SGCG: variants seen among roughly 807,000 people sequenced by gnomAD.
SGCG encodes the protein sarcoglycan gamma.
SGCG carries 26 observed loss-of-function variants against 29.3 expected under a neutral mutation model. The observed-to-expected ratio is 0.89, with a 90% CI of 0.65 to 1.23. SGCG has a LOEUF of 1.23. SGCG is among the 50% of genes most tolerant of loss of function. The pLI is 0.00. For synonymous variants in SGCG, 145 were observed against 129.7 expected (o/e 1.12, Z -0.80); for missense variants, 353 against 356.0 (o/e 0.99, Z 0.07).
At chr13:23,256,858 T>C (rs148488435) in intron 4 of SGCG, among the ~76,000 whole-genome samples, 1,999 of 152,324 alleles carry the variant, frequency 0.013, 47 homozygotes, top group African/African-American at 0.046. Flanking sequence ...TGTGTCTTTG[T>C]AGTAGCATGA....
At chr13:23,271,207 G>C (rs530784990) in intron 4 of SGCG, among the ~76,000 whole-genome samples, 48 of 152,088 alleles carry the variant, frequency 3.2e-4, no homozygotes, top group Admixed American at 7.9e-4. Flanking sequence ...GTGAGACTCT[G>C]TCTCCAAAAA....
At chr13:23,205,284 A>G (rs1270918506) in intron 2 of SGCG, among the ~76,000 whole-genome samples, 2 of 152,210 alleles carry the variant, frequency 1.3e-5, no homozygotes, top group Non-Finnish European at 2.9e-5. Flanking sequence ...TTTAGTATCT[A>G]AATGTAAAAT....
intron 4 of SGCG, among the ~76,000 whole-genome samples, chr13:23,254,520 A>G (rs141084245): frequency 6.6e-6 from 1 of 152,314 alleles, no homozygotes; most frequent in African/African-American, 2.4e-5. Flanking sequence ...AAACTTTAAA[A>G]TTTGAATTTA....
At chr13:23,278,349 AG>A (rs1881167986) in intron 4 of SGCG, among the ~76,000 whole-genome samples, 1 of 151,718 alleles carries the variant, frequency 6.6e-6, no homozygotes, top group Admixed American at 6.6e-5. Context: ...AGGCTGAGGC[AG>A]GGGAATCACT....
In SGCG at chr13:23,186,366, C is replaced by T. The variant is rs1296566276; in HGVS notation, c.-1+5291C>T. 2.6e-5 allele frequency among the ~76,000 whole-genome samples: 4 copies of T among 152,322 alleles called. No homozygotes were observed. In the East Asian group the frequency reaches 7.7e-4, roughly 29 times the overall value. On this transcript the variant is annotated intron_variant, in intron 1 of 7. Transcript: ENST00000218867. ...TTGTCAGAATGGTGCATCGTGTCCT[C>T]ACCAGTGGTATCCAGCCTGAGGAGG...
At chr13:23,246,028 T>C in intron 3 of SGCG, 1 of 153,908 alleles carries the variant, frequency 6.5e-6, no homozygotes, top group Non-Finnish European at 1.4e-5. Flanking sequence ...GTCTTCTTGG[T>C]ATCCCTCCTT....
chr13:23,209,697 T>A (rs905199474), intron 2 of SGCG, among the ~76,000 whole-genome samples: 2 of 152,210 alleles, frequency 1.3e-5, no homozygotes, highest in East Asian at 1.9e-4. Context: ...TTGTGTTTGA[T>A]GATTTTGCCC....
At chr13:23,165,382 A>C in the SGCG span, among the ~76,000 whole-genome samples, 1 of 152,228 alleles carries the variant, frequency 6.6e-6, no homozygotes, top group African/African-American at 2.4e-5. Context: ...TATATGCCTG[A>C]GATTTCCTGG....
intron 1 of SGCG, among the ~76,000 whole-genome samples, chr13:23,187,870 C>T (rs566143817): frequency 2.6e-5 from 4 of 152,358 alleles, no homozygotes; most frequent in Admixed American, 6.5e-5. Flanking sequence ...AAGTGTTTTA[C>T]AAATGGCATA....
intron 6 of SGCG, among the ~76,000 whole-genome samples, chr13:23,305,324 C>T (rs1006376009): frequency 6.6e-6 from 1 of 152,102 alleles, no homozygotes; most frequent in African/African-American, 2.4e-5. Flanking sequence ...CATCATTATT[C>T]CCTGTTACTG....
At chr13:23,172,513 G>A in the SGCG span, among the ~76,000 whole-genome samples, 2 of 152,252 alleles carry the variant, frequency 1.3e-5, no homozygotes, top group African/African-American at 2.4e-5. Context: ...ATACATTAAA[G>A]TTTTCCTTTA....
chr13:23,189,884 G>A (rs146574826), intron 1 of SGCG, among the ~76,000 whole-genome samples: 3 of 152,220 alleles, frequency 2.0e-5, no homozygotes, highest in Non-Finnish European at 2.9e-5. Context: ...CCCCCTGCCC[G>A]CTCCTTCAGG....
intron 1 of SGCG, among the ~76,000 whole-genome samples, chr13:23,188,311 CTTTTTTTTTTTTTTTTT>C (rs71100159): frequency 1.3e-5 from 1 of 78,360 alleles, no homozygotes. Context: ...TTTACTAAGG[CTTTTTTTTTTTTTTTTT>C]TTTTTTTTTT....
At chr13:23,315,407 A>G (rs967670111) in intron 6 of SGCG, among the ~76,000 whole-genome samples, 2 of 152,214 alleles carry the variant, frequency 1.3e-5, no homozygotes, top group African/African-American at 4.8e-5. Flanking sequence ...TGTAAGTTAC[A>G]TGAGGAAATG....
the SGCG span, among the ~76,000 whole-genome samples, chr13:23,175,606 GTTTTC>G: frequency 6.6e-6 from 1 of 151,994 alleles, no homozygotes; most frequent in East Asian, 1.9e-4. Context: ...TGAAATCTGA[GTTTTC>G]TTTTTCTTTT....
chr13:23,287,227 C>A (rs9510672), intron 5 of SGCG, among the ~76,000 whole-genome samples: 9,803 of 152,152 alleles, frequency 0.064, 464 homozygotes, highest in East Asian at 0.12. Context: ...GTTAATCTGG[C>A]TGGTAGTAGA....
At chr13:23,168,372 T>C in the SGCG span, among the ~76,000 whole-genome samples, 1 of 152,194 alleles carries the variant, frequency 6.6e-6, no homozygotes, top group Non-Finnish European at 1.5e-5. Flanking sequence ...CCCTAAACTA[T>C]AATATAAGCT....
intron 2 of SGCG, among the ~76,000 whole-genome samples, chr13:23,216,256 A>C (rs925050315): frequency 6.6e-6 from 1 of 152,246 alleles, no homozygotes; most frequent in East Asian, 1.9e-4. Flanking sequence ...GTATCTATTT[A>C]TGTCAGAGGA....
At chr13:23,289,727 G>T (rs1365262910) in intron 5 of SGCG, among the ~76,000 whole-genome samples, 2 of 152,138 alleles carry the variant, frequency 1.3e-5, no homozygotes, top group African/African-American at 4.8e-5. Flanking sequence ...GTTTGAATCT[G>T]AAAAAAGCCT....
Sources: allele counts gnomAD v4.1 joint callset (sites outside exome capture counted in the v4.1 genomes callset), GRCh38; gene constraint gnomAD v4.1.1; transcripts MANE v1.5; gene names NCBI Gene and HGNC (gene_info 2026-07-23, HGNC 2026-07-21).